Variants in CPEB4 observed in about 807,000 individuals in gnomAD.
The protein encoded by CPEB4 is cytoplasmic polyadenylation element-binding protein 4.
CPEB4 carries 12 observed loss-of-function variants against 72.5 expected under a neutral mutation model. The ratio of observed to expected loss-of-function variants is 0.17; its 90% CI spans 0.11 to 0.27. The LOEUF (loss-of-function observed/expected upper bound fraction) is 0.27. Ranked by LOEUF, CPEB4 falls within the 10% of genes least tolerant of loss-of-function variation. The pLI is 1.00. For missense variants in CPEB4, 614 were observed against 908.5 expected (o/e 0.68, Z 4.17); for synonymous variants, 302 against 326.3 (o/e 0.93, Z 0.80).
At chr5:173,907,753 C>T (rs1756494593) in intron 1 of CPEB4, among the ~76,000 whole-genome samples, 1 of 152,254 alleles carries the variant, frequency 6.6e-6, no homozygotes. Context: ...ACCAGTTTTA[C>T]ATCATGACAC....
intron 1 of CPEB4, among the ~76,000 whole-genome samples, chr5:173,909,642 A>G (rs1381206037): frequency 6.6e-6 from 1 of 152,182 alleles, no homozygotes; most frequent in African/African-American, 2.4e-5. Context: ...TTAACAGTCA[A>G]GAACAACTTT....
At chr5:173,914,968 T>A (rs540517298) in intron 2 of CPEB4, among the ~76,000 whole-genome samples, 109 of 152,326 alleles carry the variant, frequency 7.2e-4, no homozygotes, top group Non-Finnish European at 1.3e-3. Flanking sequence ...ATGCAGTTTG[T>A]GTGTGTATGT....
At position 173,945,014 on chromosome 5, in the gene CPEB4, C is replaced by T. The variant is rs376710749; in HGVS notation, c.1330C>T (p.Arg444Cys). Residue 444 changes from arginine (R) to cysteine (C), a missense_variant, in exon 5 of 10, where the codon CGT (arginine) becomes TGT (cysteine). Transcript: ENST00000265085. The part of the protein sequence containing the change: ...PMEDGFLDDG[R>C]GDQPLHSGLG... ...GGAAGATGGATTCTTGGATGATGGC[C>T]GTGGGGATCAGCCTCTTCATAGTGG... is the stretch of plus-strand genomic sequence containing the variant. 14 of 1,613,638 alleles carry T rather than the reference C, an allele frequency of 8.7e-6. No homozygotes were observed. Among genetic ancestry groups the T allele is most frequent in the Non-Finnish European group, 1.1e-5 (13 of 1,179,842 alleles).
chr5:173,906,233 G>A (rs897876819), intron 1 of CPEB4, among the ~76,000 whole-genome samples: 14 of 152,178 alleles, frequency 9.2e-5, no homozygotes, highest in Admixed American at 6.5e-4. Flanking sequence ...AGGAAAACCA[G>A]CATTGTTTGT....
intron 3 of CPEB4, among the ~76,000 whole-genome samples, chr5:173,939,692 C>T (rs1757761111): frequency 6.7e-6 from 1 of 149,656 alleles, no homozygotes; most frequent in South Asian, 2.1e-4. Flanking sequence ...TAAAGTATAT[C>T]AATAGATCTA....
rs1002495787 is a variant in CPEB4 at position 173,960,898 on chromosome 5, C to T, written c.*4761C>T. ...TTGATCCATTAATCATGTGGACTAC[C>T]AAGTGCTGTAATGTGTTAGTATTTA... On this transcript the variant is annotated 3_prime_UTR_variant, in exon 10 of 10. Transcript: ENST00000265085. The T allele has an allele frequency of 6.6e-6, 1 of 152,166 alleles. No individual in the cohort carries two copies. Among genetic ancestry groups the T allele is most frequent in the Non-Finnish European group, 1.5e-5 (1 of 68,038 alleles). The allele number at this position is 152,166 out of a possible 1,614,324, so 9.4% of individuals were successfully genotyped here.
chr5:173,898,161 C>T (rs962610555), intron 1 of CPEB4, among the ~76,000 whole-genome samples: 2 of 152,024 alleles, frequency 1.3e-5, no homozygotes, highest in Non-Finnish European at 2.9e-5. Context: ...TAATTAGTTC[C>T]TCAGTATTAT....
chr5:173,888,407 A>AGGCGGT lies in CPEB4; in HGVS notation c.-1321_-1316dup, dbSNP rs1554090921. ...GCGGCTGCGGGACCCGGGCACCGGG[A>AGGCGGT]GGCGGTGGCGGCGGCGGCGGCGGCA... On this transcript the variant is annotated 5_prime_UTR_variant, in exon 1 of 10. Transcript: ENST00000265085. The surrounding 1 kb of genome is among the most constrained non-coding windows in gnomAD (Gnocchi z 4.3). The AGGCGGT allele has an allele frequency of 2.2e-6, 1 of 451,698 alleles. No individual in the cohort carries two copies. The highest frequency in any genetic ancestry group is 2.1e-5 in the African/African-American group (1 of 48,740). The allele number at this position is 451,698 out of a possible 1,614,324, so 28.0% of individuals were successfully genotyped here.
In CPEB4 at chr5:173,959,410, A is replaced by G. The variant is rs1327797111; in HGVS notation, c.*3273A>G. The G allele has an allele frequency of 6.5e-6, 1 of 152,802 alleles. No individual in the cohort carries two copies. Among genetic ancestry groups the G allele is most frequent in the African/African-American group, 2.4e-5 (1 of 41,464 alleles). The allele number at this position is 152,802 out of a possible 1,614,324, so 9.5% of individuals were successfully genotyped here. On this transcript the variant is annotated 3_prime_UTR_variant, in exon 10 of 10. Coordinates refer to ENST00000265085, the MANE Select transcript of CPEB4 (RefSeq NM_030627.4). Reference sequence around the variant, plus strand: ...TTGCAGTGAATGAATTTAGCATTTTATGAGAGTGCTGTTGGAAAGACTTGA... The same window carrying G: ...TTGCAGTGAATGAATTTAGCATTTTGTGAGAGTGCTGTTGGAAAGACTTGA...
rs1041759218 is a variant in CPEB4, at chr5:173,956,512, G to C, written c.*375G>C. The C allele has an allele frequency of 6.3e-6, 1 of 159,750 alleles. No individual in the cohort carries two copies. Among genetic ancestry groups the C allele is most frequent in the African/African-American group, 2.4e-5 (1 of 41,520 alleles). The allele number at this position is 159,750 out of a possible 1,614,324, so 9.9% of individuals were successfully genotyped here. ...TTATTGTTAATAATATAACATATAA[G>C]AATACTTTTATTAAAATAACCATGC... On this transcript the variant is annotated 3_prime_UTR_variant, in exon 10 of 10. Coordinates refer to ENST00000265085, the MANE Select transcript of CPEB4 (RefSeq NM_030627.4).
rs1382515401 is a variant in CPEB4 at position 173,900,670 on chromosome 5, A to C, written c.1125+9812A>C. On this transcript the variant is annotated intron_variant, in intron 1 of 9. Transcript: ENST00000265085. This position sits in a 1 kb window ranked among gnomAD's most constrained non-coding sequence, Gnocchi z 4.4. ...AACATATTTTGATTATCTCTATGAA[A>C]ACAGGTTATAGAAAATAGCACAGAA... Among the ~76,000 whole-genome samples the C allele has an allele frequency of 1.3e-5, 2 of 152,242 alleles. No homozygotes were observed. The highest frequency in any genetic ancestry group is 2.9e-5 in the Non-Finnish European group (2 of 68,032).
intron 2 of CPEB4, among the ~76,000 whole-genome samples, chr5:173,927,304 C>A (rs573409474): frequency 2.0e-4 from 31 of 152,262 alleles, no homozygotes; most frequent in African/African-American, 7.2e-4. Context: ...GGAATGAACT[C>A]ATCAAATGCT....
At chr5:173,948,392 A>C (rs1157827439) in intron 5 of CPEB4, among the ~76,000 whole-genome samples, 1 of 152,158 alleles carries the variant, frequency 6.6e-6, no homozygotes, top group African/African-American at 2.4e-5. Flanking sequence ...CATGCCCTCC[A>C]GGTGTGGTGG....
At chr5:173,944,588 C>T (rs979398401) in intron 4 of CPEB4, among the ~76,000 whole-genome samples, 1 of 151,974 alleles carries the variant, frequency 6.6e-6, no homozygotes, top group African/African-American at 2.4e-5. Context: ...CAATGTCTTA[C>T]AGCCAAATTT....
At chr5:173,895,863 C>T (rs1755988578) in intron 1 of CPEB4, among the ~76,000 whole-genome samples, 1 of 152,102 alleles carries the variant, frequency 6.6e-6, no homozygotes, top group Non-Finnish European at 1.5e-5. Context: ...AAGCCATCTT[C>T]AGAGAAGCCA....
intron 2 of CPEB4, among the ~76,000 whole-genome samples, chr5:173,927,825 A>G (rs1314568328): frequency 1.3e-5 from 2 of 152,332 alleles, no homozygotes; most frequent in Admixed American, 6.5e-5. Flanking sequence ...ACTTATGCCT[A>G]CGCAAAAGCC....
chr5:173,951,431 G>T (rs1418826877), intron 7 of CPEB4, among the ~76,000 whole-genome samples: 3 of 152,108 alleles, frequency 2.0e-5, no homozygotes, highest in Non-Finnish European at 4.4e-5. Flanking sequence ...ACACTGATTG[G>T]ACACACAATT....
intron 3 of CPEB4, 101 bp downstream of exon 3, chr5:173,932,601 CT>C: frequency 1.3e-6 from 1 of 786,316 alleles, no homozygotes; most frequent in Non-Finnish European, 2.0e-6. Flanking sequence ...GTAATGATAA[CT>C]GTAAGTTGCT....
At position 173,953,078 on chromosome 5, in the gene CPEB4, C is replaced by G; in HGVS notation, c.1781-13C>G. ...CTGATTTTAAATATCCTCCTTGTTCCTTTCTTAATTAGTGGAGCTTGCGAT... is the reference window on the plus strand; with the variant it reads ...CTGATTTTAAATATCCTCCTTGTTCGTTTCTTAATTAGTGGAGCTTGCGAT... On this transcript the variant is annotated splice_polypyrimidine_tract_variant and intron_variant, in intron 8 of 9. Coordinates refer to ENST00000265085, the MANE Select transcript of CPEB4 (RefSeq NM_030627.4). The G allele has an allele frequency of 1.3e-6, 2 of 1,581,272 alleles. No homozygotes were observed. Among genetic ancestry groups the G allele is most frequent in the Non-Finnish European group, 1.7e-6 (2 of 1,161,562 alleles).
Sources: allele counts gnomAD v4.1 joint callset (sites outside exome capture counted in the v4.1 genomes callset), GRCh38; gene constraint gnomAD v4.1.1; non-coding constraint Gnocchi (gnomAD v3.1); transcripts MANE v1.5; gene names NCBI Gene and HGNC (gene_info 2026-07-23, HGNC 2026-07-21).